PCDHGB3: variants seen among roughly 807,000 people sequenced by gnomAD.
PCDHGB3 encodes protocadherin gamma subfamily B, 3, also known as protocadherin gamma-B3.
PCDHGB3 carries 40 observed loss-of-function variants against 59.2 expected under a neutral mutation model. The ratio of observed to expected loss-of-function variants is 0.68; its 90% CI spans 0.52 to 0.88. PCDHGB3 has a LOEUF of 0.88. Among genes scored for constraint, PCDHGB3 ranks in the 40% least tolerant of loss-of-function variants. The pLI, the probability that PCDHGB3 is intolerant of heterozygous loss-of-function variation, is 0.00. For synonymous variants in PCDHGB3, 581 were observed against 503.6 expected (o/e 1.15, Z -2.06); for missense variants, 1,309 against 1,187.9 (o/e 1.10, Z -1.50).
At chr5:141,381,889 G>T (rs1385598954) in intron 1 of PCDHGB3, among the ~76,000 whole-genome samples, 1 of 132,634 alleles carries the variant, frequency 7.5e-6, no homozygotes, top group Non-Finnish European at 1.5e-5. Context: ...GAGTGCAATG[G>T]TGTGATCTCG....
intron 1 of PCDHGB3, chr5:141,416,902 C>T (rs1364019748): frequency 1.3e-5 from 2 of 152,020 alleles, no homozygotes; most frequent in Non-Finnish European, 2.9e-5. Flanking sequence ...GGAAGGAAAG[C>T]ACACTCTTTA....
rs765693064 is a variant in PCDHGB3 at position 141,371,738 on chromosome 5, C to A, written c.1344C>A (p.Asn448Lys). ...TGCACATCCTTGATGTCAACGACAACGTTCCCGTTTTCCACCAGGCCTCCT... is the reference window on the plus strand; with the variant it reads ...TGCACATCCTTGATGTCAACGACAAAGTTCCCGTTTTCCACCAGGCCTCCT... ...ITLHILDVND[N>K]VPVFHQASYT... The change falls in exon 1 of 4, where the codon AAC becomes AAA. Residue 448 changes from asparagine to lysine, a missense_variant. Asn to Lys is a moderately conservative substitution (Grantham distance 94). Transcript: ENST00000576222. 9 of 1,613,934 alleles carry A rather than the reference C, an allele frequency of 5.6e-6. No homozygotes were observed. The highest frequency in any genetic ancestry group is 1.3e-5 in the African/African-American group (1 of 74,946).
chr5:141,468,899 T>C (rs1051519139), intron 1 of PCDHGB3, among the ~76,000 whole-genome samples: 2 of 151,550 alleles, frequency 1.3e-5, no homozygotes, highest in Non-Finnish European at 2.9e-5. Flanking sequence ...GGTACTAATA[T>C]GATCCAGACT....
chr5:141,432,172 CGTCTCTGTGACCGCCCACGACCCCGA>C lies in PCDHGB3; in HGVS notation c.2415+59364_2415+59389del. 6.2e-7 allele frequency: 1 copy of C among 1,614,152 alleles called. No individual in the cohort carries two copies. Among genetic ancestry groups the C allele is most frequent in the Non-Finnish European group, 8.5e-7 (1 of 1,180,038 alleles). ...AGAACAATCCCAGAGGAGTTTCCCT[CGTCTCTGTGACCGCCCACGACCCCGA>C]CTGTGAAGAGAACGCCCAGATCACT... On this transcript the variant is annotated intron_variant, in intron 1 of 3. Transcript: ENST00000576222. The surrounding 1 kb of genome is among the most constrained non-coding windows in gnomAD (Gnocchi z 6.0).
At chr5:141,395,407 G>T (rs1467176036) in intron 1 of PCDHGB3, 3 of 826,654 alleles carry the variant, frequency 3.6e-6, no homozygotes, top group Non-Finnish European at 5.4e-6. Context: ...ATAGTCATAG[G>T]TTATTGTTTC....
intron 1 of PCDHGB3, chr5:141,410,023 C>A: frequency 6.2e-7 from 1 of 1,613,310 alleles, no homozygotes; most frequent in South Asian, 1.1e-5. Context: ...TGTCCTACCA[C>A]GTGCTGCAGG....
In PCDHGB3 at chr5:141,494,849, A is replaced by C; in HGVS notation, c.2458A>C (p.Arg820=). ...NTDWRFSQAQ[R]PGTSGSQNGD... ...GGACTGGCGTTTCTCTCAGGCCCAG[A>C]GACCCGGCACCAGCGGGTAGGTGAC... Residue 820 remains arginine, a synonymous_variant, in exon 2 of 4, where the codon AGA becomes CGA. Transcript: ENST00000576222. 1 of 1,614,102 alleles carries C rather than the reference A, an allele frequency of 6.2e-7. No individual in the cohort carries two copies. Among genetic ancestry groups the C allele is most frequent in the Non-Finnish European group, 8.5e-7 (1 of 1,180,014 alleles).
At chr5:141,408,458 G>T (rs760881860) in intron 1 of PCDHGB3, 4 of 1,614,066 alleles carry the variant, frequency 2.5e-6, no homozygotes, top group South Asian at 2.2e-5. Flanking sequence ...GGACTTACTT[G>T]TGAAGAACCG....
Position 141,477,917 on chromosome 5 carries a change from G to C in PCDHGB3, c.2416-16890G>C. 6.2e-7 allele frequency: 1 copy of C among 1,614,186 alleles called. No individual in the cohort carries two copies. The highest frequency in any genetic ancestry group is 2.2e-5 in the East Asian group (1 of 44,868). On this transcript the variant is annotated intron_variant, in intron 1 of 3. Transcript: ENST00000576222. The surrounding 1 kb of genome is among the most constrained non-coding windows in gnomAD (Gnocchi z 4.9). ...GGTGGTAGGCTGGGACGCGGATGCA[G>C]GGCACAATGCCTGGCTCTCCTACAG...
At chr5:141,442,005 C>G (rs1037210381) in intron 1 of PCDHGB3, 1 of 229,014 alleles carries the variant, frequency 4.4e-6, no homozygotes. Flanking sequence ...GCTGACAGCT[C>G]GCACGATGGG....
chr5:141,404,490 T>A (rs748668164), intron 1 of PCDHGB3: 6 of 1,613,632 alleles, frequency 3.7e-6, no homozygotes, highest in Non-Finnish European at 5.1e-6. Flanking sequence ...GACACTGGTG[T>A]GCTGTATGCT....
chr5:141,511,560 TC>T lies in PCDHGB3; in HGVS notation c.*390del. ...CCACCCCACTCCAACAGTTCCTCTT[TC>T]CCGAGTAAGGTGGTTGGGGTGTTGA... On this transcript the variant is annotated 3_prime_UTR_variant, in exon 4 of 4. Transcript: ENST00000576222. 3.3e-6 allele frequency: 1 copy of T among 298,990 alleles called. No individual in the cohort carries two copies. The highest frequency in any genetic ancestry group is 3.7e-5 in the South Asian group (1 of 27,250). The allele number at this position is 298,990 out of a possible 1,614,324, so 18.5% of individuals were successfully genotyped here. A position where few individuals can be genotyped will look rare whatever the true frequency, so the allele number is the denominator to read the frequency against.
In PCDHGB3 at chr5:141,415,732, T is replaced by C. The variant is rs1159160519; in HGVS notation, c.2415+42923T>C. 4 of 1,411,138 alleles carry C rather than the reference T, an allele frequency of 2.8e-6. No individual in the cohort carries two copies. In the South Asian group the frequency reaches 5.0e-5, roughly 18 times the overall value. The allele number at this position is 1,411,138 out of a possible 1,614,324, so 87.4% of individuals were successfully genotyped here. ...AACACTGATGAGTAGAATTTGATGT[T>C]TATTAAGGTTTTTTTTTTTTTTTTT... On this transcript the variant is annotated intron_variant, in intron 1 of 3. Coordinates refer to ENST00000576222, the MANE Select transcript of PCDHGB3 (RefSeq NM_018924.5).
At chr5:141,464,676 T>A (rs1337677151) in intron 1 of PCDHGB3, among the ~76,000 whole-genome samples, 1 of 152,176 alleles carries the variant, frequency 6.6e-6, no homozygotes. Flanking sequence ...ATAATTTTAA[T>A]TAAAATTTCT....
intron 1 of PCDHGB3, chr5:141,375,291 G>C: frequency 4.3e-6 from 7 of 1,613,756 alleles, no homozygotes; most frequent in Non-Finnish European, 5.9e-6. Context: ...AATTATTATC[G>C]ATTAGTGACA....
At chr5:141,460,882 C>G (rs2098999926) in intron 1 of PCDHGB3, among the ~76,000 whole-genome samples, 1 of 149,600 alleles carries the variant, frequency 6.7e-6, no homozygotes, top group Non-Finnish European at 1.5e-5. Context: ...TTATTTCATG[C>G]CTTTTCGTGG....
At chr5:141,503,010 A>AT (rs199924715) in intron 2 of PCDHGB3, among the ~76,000 whole-genome samples, 26,593 of 146,658 alleles carry the variant, frequency 0.18, 2,532 homozygotes, top group Admixed American at 0.29. Context: ...TGCCCGGTTA[A>AT]TTTTTTTTTT....
chr5:141,437,756 T>A (rs1208576922), intron 1 of PCDHGB3, among the ~76,000 whole-genome samples: 1 of 151,718 alleles, frequency 6.6e-6, no homozygotes, highest in Non-Finnish European at 1.5e-5. Flanking sequence ...TTTTTTTTTT[T>A]GAGACAGAGT....
At chr5:141,413,623 G>A (rs1454358985) in intron 1 of PCDHGB3, 2 of 1,613,752 alleles carry the variant, frequency 1.2e-6, no homozygotes, top group African/African-American at 1.3e-5. Flanking sequence ...TAATGAAAAT[G>A]TCGCTGCGGG....
Sources: allele counts gnomAD v4.1 joint callset (sites outside exome capture counted in the v4.1 genomes callset), GRCh38; gene constraint gnomAD v4.1.1; non-coding constraint Gnocchi (gnomAD v3.1); transcripts MANE v1.5; gene names NCBI Gene and HGNC (gene_info 2026-07-23, HGNC 2026-07-21).